GHR: variants seen among roughly 807,000 people sequenced by gnomAD.
GHR encodes growth hormone receptor.
GHR carries 35 observed loss-of-function variants against 67.1 expected under a neutral mutation model. That is an observed-to-expected ratio of 0.52 (90% CI 0.40 to 0.69). The LOEUF is 0.69. Among genes scored for constraint, GHR ranks in the 30% least tolerant of loss-of-function variants. GHR has a pLI of 0.00. For synonymous variants in GHR, 272 were observed against 269.1 expected, an observed-to-expected ratio of 1.01 and a Z score of -0.10; for missense variants, 792 against 764.6, an observed-to-expected ratio of 1.04 and a Z score of -0.42.
chr5:42,538,580 C>A (rs537365712), intron 1 of GHR, among the ~76,000 whole-genome samples: 1 of 152,222 alleles, frequency 6.6e-6, no homozygotes, highest in South Asian at 2.1e-4. Flanking sequence ...ATAGGTTACC[C>A]AGTGCTTTTG....
chr5:42,604,607 C>A (rs557894641), intron 2 of GHR, among the ~76,000 whole-genome samples: 2 of 152,140 alleles, frequency 1.3e-5, no homozygotes, highest in South Asian at 4.2e-4. Flanking sequence ...TTTTTGAGGC[C>A]TGCTTCTAAT....
At chr5:42,452,326 C>T (rs569155416) in intron 1 of GHR, among the ~76,000 whole-genome samples, 1 of 152,190 alleles carries the variant, frequency 6.6e-6, no homozygotes, top group African/African-American at 2.4e-5. Flanking sequence ...TCTCACAGCT[C>T]TTGATTTTTT....
chr5:42,445,850 A>T (rs954374765), intron 1 of GHR, among the ~76,000 whole-genome samples: 1 of 152,238 alleles, frequency 6.6e-6, no homozygotes, highest in African/African-American at 2.4e-5. Flanking sequence ...TCTTGGTGAT[A>T]GTTCTTTACA....
intron 1 of GHR, among the ~76,000 whole-genome samples, chr5:42,531,502 C>T (rs539820578): frequency 6.6e-6 from 1 of 150,892 alleles, no homozygotes; most frequent in Non-Finnish European, 1.5e-5. Context: ...GAGTGGGTCT[C>T]GGTCTCACTC....
intron 1 of GHR, among the ~76,000 whole-genome samples, chr5:42,490,605 T>C: frequency 6.6e-6 from 1 of 152,252 alleles, no homozygotes; most frequent in South Asian, 2.1e-4. Context: ...GAAGTTCCTA[T>C]GACAGATTTG....
intron 2 of GHR, among the ~76,000 whole-genome samples, chr5:42,579,092 T>C (rs1750940486): frequency 1.0e-5 from 1 of 98,790 alleles, no homozygotes; most frequent in South Asian, 3.2e-4. Flanking sequence ...GATAGATAGA[T>C]AGATAGATAG....
At chr5:42,625,536 C>T (rs1467477527) in intron 2 of GHR, among the ~76,000 whole-genome samples, 2 of 151,964 alleles carry the variant, frequency 1.3e-5, no homozygotes, top group African/African-American at 2.4e-5. Flanking sequence ...AACATGTGCC[C>T]AAGGTGGTCA....
chr5:42,440,993 A>G (rs568705740), intron 1 of GHR, among the ~76,000 whole-genome samples: 2 of 152,336 alleles, frequency 1.3e-5, no homozygotes, highest in East Asian at 3.9e-4. Context: ...GACTTCCTCA[A>G]AGAGACACAG....
chr5:42,454,982 G>T (rs1050978093), intron 1 of GHR, among the ~76,000 whole-genome samples: 2 of 152,072 alleles, frequency 1.3e-5, no homozygotes, highest in Non-Finnish European at 2.9e-5. Flanking sequence ...TCTGCTGGCT[G>T]CCTTCCCTGA....
intron 1 of GHR, among the ~76,000 whole-genome samples, chr5:42,499,806 T>C (rs1746464522): frequency 3.3e-5 from 5 of 152,118 alleles, no homozygotes; most frequent in African/African-American, 1.2e-4. Flanking sequence ...GGAGAAGATT[T>C]TAAAATGAAA....
At chr5:42,684,596 G>A (rs1210816958) in intron 3 of GHR, among the ~76,000 whole-genome samples, 1 of 152,190 alleles carries the variant, frequency 6.6e-6, no homozygotes, top group African/African-American at 2.4e-5. Context: ...ATTTGTAACA[G>A]ATAATGTGGG....
intron 1 of GHR, among the ~76,000 whole-genome samples, chr5:42,500,933 C>G (rs1746516188): frequency 1.3e-5 from 2 of 151,962 alleles, no homozygotes; most frequent in South Asian, 2.1e-4. Context: ...GAATAACTTA[C>G]AATGAAAACA....
At chr5:42,475,282 T>A (rs769931666) in intron 1 of GHR, among the ~76,000 whole-genome samples, 5 of 152,224 alleles carry the variant, frequency 3.3e-5, no homozygotes, top group South Asian at 2.1e-4. Flanking sequence ...GGAATTTCCC[T>A]CTAGGTTTGG....
intron 4 of GHR, among the ~76,000 whole-genome samples, 176 bp downstream of exon 4, chr5:42,689,195 C>A (rs535288982): frequency 6.6e-6 from 1 of 152,294 alleles, no homozygotes; most frequent in Admixed American, 6.5e-5. Context: ...GTGCTGAGTA[C>A]TATTTTAGGC....
intron 1 of GHR, among the ~76,000 whole-genome samples, chr5:42,523,097 A>G (rs993906821): frequency 6.6e-6 from 1 of 152,226 alleles, no homozygotes; most frequent in African/African-American, 2.4e-5. Context: ...TTACAACCAA[A>G]TCACACACTG....
intron 3 of GHR, among the ~76,000 whole-genome samples, chr5:42,674,785 AT>A (rs1294282001): frequency 2.0e-5 from 3 of 151,972 alleles, no homozygotes; most frequent in Non-Finnish European, 4.4e-5. Flanking sequence ...CTTTTCTGTT[AT>A]TTTAAATAAT....
chr5:42,524,127 T>C (rs1228616416), intron 1 of GHR, among the ~76,000 whole-genome samples: 1 of 152,128 alleles, frequency 6.6e-6, no homozygotes, highest in African/African-American at 2.4e-5. Flanking sequence ...AATGTGGAAG[T>C]GACTTTGGAA....
rs142123024 is a variant in GHR at position 42,451,352 on chromosome 5, G to A, written c.-12+27397G>A. 3.6e-3 allele frequency among the ~76,000 whole-genome samples: 538 copies of A among 150,278 alleles called. 2 individuals are homozygous for A. Among genetic ancestry groups the A allele is most frequent in the Non-Finnish European group, 5.8e-3 (395 of 67,674 alleles). On this transcript the variant is annotated intron_variant, in intron 1 of 9. Transcript: ENST00000230882. The stretch of plus-strand genomic sequence containing the variant: ...ATATTTATGATTGTGATATTTTCCT[G>A]TTGGACTAATCCTTTTATCATTATA...
intron 1 of GHR, among the ~76,000 whole-genome samples, chr5:42,537,185 C>G (rs779547447): frequency 4.0e-4 from 61 of 150,632 alleles, no homozygotes; most frequent in Non-Finnish European, 7.0e-4. Context: ...TGGTTATGTC[C>G]TCTCTTCTCC....
Sources: allele counts gnomAD v4.1 joint callset (sites outside exome capture counted in the v4.1 genomes callset), GRCh38; gene constraint gnomAD v4.1.1; transcripts MANE v1.5; gene names NCBI Gene and HGNC (gene_info 2026-07-23, HGNC 2026-07-21).